Variants in PAM observed in about 807,000 individuals in gnomAD.
The protein encoded by PAM is peptidylglycine alpha-amidating monooxygenase.
Under a neutral mutation model 122.1 loss-of-function variants are expected in PAM, and 72 were observed. The ratio of observed to expected loss-of-function variants is 0.59; its 90% CI spans 0.49 to 0.72. The LOEUF is 0.72. PAM is among the 30% of genes least tolerant of loss of function. The pLI is 0.00. For missense variants in PAM, 1,106 were observed against 1,183.7 expected (o/e 0.93, Z 0.96); for synonymous variants, 389 against 404.4 (o/e 0.96, Z 0.46).
intron 1 of PAM, among the ~76,000 whole-genome samples, chr5:102,828,251 G>A (rs1047657183): frequency 1.3e-5 from 2 of 152,108 alleles, no homozygotes; most frequent in Admixed American, 1.3e-4. Context: ...GGAGGCTGAG[G>A]TGGGAGGATT....
chr5:102,931,856 G>A (rs1182584960), intron 7 of PAM, among the ~76,000 whole-genome samples: 1 of 150,934 alleles, frequency 6.6e-6, no homozygotes, highest in Non-Finnish European at 1.5e-5. Context: ...TTGTTTCCAT[G>A]CCTTTCTCAC....
At chr5:102,977,656 G>GCACACACACA (rs1491382158) in intron 15 of PAM, among the ~76,000 whole-genome samples, 1 of 112,980 alleles carries the variant, frequency 8.9e-6, no homozygotes, top group Non-Finnish European at 1.8e-5. Flanking sequence ...ACATGCATGT[G>GCACACACACA]CGCACACACA....
intron 7 of PAM, among the ~76,000 whole-genome samples, chr5:102,940,115 T>TACACACACACACACACAC (rs66466018): frequency 3.0e-5 from 4 of 134,376 alleles, no homozygotes; most frequent in Admixed American, 2.2e-4. Flanking sequence ...TATGTATACA[T>TACACACACACACACACAC]ACACACACAC....
chr5:102,758,041 CAA>C (rs3072349), intron 1 of PAM, among the ~76,000 whole-genome samples: 2 of 94,632 alleles, frequency 2.1e-5, no homozygotes, highest in Non-Finnish European at 2.2e-5. Flanking sequence ...GGCCCTGTCT[CAA>C]AAAAAAAAAA....
chr5:102,820,043 CTG>C (rs1771268119), intron 1 of PAM, among the ~76,000 whole-genome samples: 1 of 152,134 alleles, frequency 6.6e-6, no homozygotes, highest in South Asian at 2.1e-4. Context: ...ATTTTTATCA[CTG>C]TTGGTTTGCA....
chr5:102,961,917 A>G (rs1762617585), intron 14 of PAM, among the ~76,000 whole-genome samples: 1 of 151,896 alleles, frequency 6.6e-6, no homozygotes, highest in African/African-American at 2.4e-5. Context: ...GGAGTTTGTT[A>G]TCCTAAAAAG....
chr5:102,810,529 C>A (rs1007556574), intron 1 of PAM, among the ~76,000 whole-genome samples: 24 of 152,096 alleles, frequency 1.6e-4, no homozygotes, highest in African/African-American at 4.3e-4. Context: ...TTGTCTCTCA[C>A]TAGAAAGATA....
intron 1 of PAM, among the ~76,000 whole-genome samples, chr5:102,758,905 A>G (rs1448860618): frequency 6.6e-6 from 1 of 151,800 alleles, no homozygotes; most frequent in Admixed American, 6.6e-5. Flanking sequence ...ATATAAATAC[A>G]CTCTTCCCCA....
rs368145272 is a variant in PAM, at chr5:102,867,287, C to A, written c.104C>A (p.Thr35Asn). 4 of 1,602,294 alleles carry A rather than the reference C, an allele frequency of 2.5e-6. No homozygotes were observed. The highest frequency in any genetic ancestry group is 3.4e-6 in the Non-Finnish European group (4 of 1,169,712). The change falls in exon 3 of 26, where the codon ACC becomes AAC. Residue 35 changes from threonine (T) to asparagine (N), a missense_variant. Thr to Asn is a moderately conservative substitution (Grantham distance 65). Transcript: ENST00000438793. ...TCTTTTTTAAGGTTTAAAGAAACTA[C>A]CAGACCATTTTCCAATGAATGTCTT... is the stretch of plus-strand genomic sequence containing the variant. Reference protein sequence around the residue: ...LSVFKRFKETTRPFSNECLGT... With the variant: ...LSVFKRFKETNRPFSNECLGT...
intron 15 of PAM, among the ~76,000 whole-genome samples, chr5:102,986,615 G>A (rs1426637290): frequency 6.6e-6 from 1 of 152,026 alleles, no homozygotes; most frequent in Non-Finnish European, 1.5e-5. Flanking sequence ...CCTGCTCATG[G>A]ACAGAAAAAA....
intron 1 of PAM, among the ~76,000 whole-genome samples, chr5:102,759,378 A>G (rs1441487488): frequency 6.6e-6 from 1 of 152,142 alleles, no homozygotes; most frequent in Non-Finnish European, 1.5e-5. Flanking sequence ...TTAGAATGGA[A>G]GTCAGGCAGA....
At chr5:102,852,852 A>T (rs1561634871) in intron 1 of PAM, among the ~76,000 whole-genome samples, 1 of 152,326 alleles carries the variant, frequency 6.6e-6, no homozygotes, top group East Asian at 1.9e-4. Context: ...TTCCTATAGC[A>T]CTTAGTAGTC....
At chr5:102,755,922 C>G (rs1368290348) in intron 1 of PAM, among the ~76,000 whole-genome samples, 1 of 152,036 alleles carries the variant, frequency 6.6e-6, no homozygotes. Context: ...CTCTTCCTGC[C>G]GTTTTGCCAG....
At chr5:102,777,649 A>G (rs1757526111) in intron 1 of PAM, among the ~76,000 whole-genome samples, 2 of 152,148 alleles carry the variant, frequency 1.3e-5, no homozygotes, top group Non-Finnish European at 2.9e-5. Context: ...ACGATAAGAA[A>G]ACAGCCCTTC....
intron 3 of PAM, among the ~76,000 whole-genome samples, chr5:102,880,724 A>G (rs1277474800): frequency 6.6e-6 from 1 of 152,226 alleles, no homozygotes; most frequent in South Asian, 2.1e-4. Context: ...CCTTAAAATG[A>G]AAAATAGAAT....
rs1218686397 is a variant in PAM at position 102,926,579 on chromosome 5, C to G, written c.443-6C>G. ...CTAATATATTAACTTTTTTGTAAAT[C>G]TTTAGGTGTTGGATTCAGAGTTGGA... On this transcript the variant is annotated splice_region_variant and splice_polypyrimidine_tract_variant and intron_variant, in intron 6 of 25. Transcript: ENST00000438793. The G allele has an allele frequency of 2.0e-6, 3 of 1,537,726 alleles. No individual in the cohort carries two copies. In the Admixed American group the frequency reaches 5.0e-5, roughly 26 times the overall value.
At chr5:102,821,268 G>A (rs183338685) in intron 1 of PAM, among the ~76,000 whole-genome samples, 2 of 152,214 alleles carry the variant, frequency 1.3e-5, no homozygotes, top group East Asian at 3.9e-4. Context: ...GCTCATGAGG[G>A]AAAGAATGAG....
At chr5:102,895,091 C>A (rs1407817426) in intron 3 of PAM, among the ~76,000 whole-genome samples, 1 of 151,752 alleles carries the variant, frequency 6.6e-6, no homozygotes, top group Non-Finnish European at 1.5e-5. Flanking sequence ...TGTGCCACAT[C>A]TACATGCCCA....
intron 15 of PAM, 37 bp from the exon 16 acceptor site, chr5:102,990,235 T>G: frequency 4.8e-6 from 7 of 1,465,132 alleles, no homozygotes; most frequent in Non-Finnish European, 6.4e-6. Context: ...AATTCGACCT[T>G]TCCCTTTTAC....
Sources: allele counts gnomAD v4.1 joint callset (sites outside exome capture counted in the v4.1 genomes callset), GRCh38; gene constraint gnomAD v4.1.1; transcripts MANE v1.5; gene names NCBI Gene and HGNC (gene_info 2026-07-23, HGNC 2026-07-21).